Variants in TOLLIP observed in about 807,000 individuals in gnomAD.
TOLLIP encodes the protein toll-interacting protein.
A neutral mutation model predicts 33.5 loss-of-function variants in TOLLIP; 16 were observed. That is an observed-to-expected ratio of 0.48 (90% CI 0.32 to 0.72). The LOEUF (loss-of-function observed/expected upper bound fraction) is 0.72. Ranked by LOEUF, TOLLIP falls within the 30% of genes least tolerant of loss-of-function variation. TOLLIP has a pLI of 0.03. For missense variants in TOLLIP, 325 were observed against 396.6 expected (o/e 0.82, Z 1.53); for synonymous variants, 176 against 163.7 (o/e 1.07, Z -0.57).
In TOLLIP at chr11:1,278,499, G is replaced by A. The variant is rs5744010; in HGVS notation, c.611-1246C>T. On this transcript the variant is annotated intron_variant, in intron 5 of 5. Coordinates refer to ENST00000317204, the MANE Select transcript of TOLLIP (RefSeq NM_019009.4). The surrounding 1 kb of genome is among the most constrained non-coding windows in gnomAD (Gnocchi z 4.7). ...CAGGGGTGTAAACGGAGCAGACAGG[G>A]CTTGCCACCAAGCCTCCTGCACCTG... Among the ~76,000 whole-genome samples the A allele has an allele frequency of 1.2e-4, 18 of 152,134 alleles. No homozygotes were observed. The highest frequency in any genetic ancestry group is 3.9e-4 in the African/African-American group (16 of 41,410).
intron 4 of TOLLIP, among the ~76,000 whole-genome samples, 165 bp from the exon 5 acceptor site, chr11:1,286,257 A>G (rs530100385): frequency 5.1e-4 from 77 of 152,212 alleles, no homozygotes; most frequent in African/African-American, 1.1e-3. Flanking sequence ...TGCACAGGGG[A>G]CGCTGGGCCC....
At chr11:1,305,349 G>A (rs1476669459) in intron 1 of TOLLIP, among the ~76,000 whole-genome samples, 1 of 152,234 alleles carries the variant, frequency 6.6e-6, no homozygotes, top group Non-Finnish European at 1.5e-5. Context: ...AGAGCCAGCG[G>A]AGACGGGTAA....
intron 4 of TOLLIP, among the ~76,000 whole-genome samples, chr11:1,287,020 A>G (rs1005130671): frequency 8.5e-5 from 13 of 152,204 alleles, no homozygotes; most frequent in South Asian, 4.2e-4. Context: ...AGCTGCGGAT[A>G]AGTCACTGCA....
intron 1 of TOLLIP, among the ~76,000 whole-genome samples, chr11:1,298,980 G>C (rs1328323422): frequency 6.6e-6 from 1 of 152,238 alleles, no homozygotes; most frequent in Non-Finnish European, 1.5e-5. Context: ...GCAAGGCAGG[G>C]TGCTGGGACA....
chr11:1,309,431 A>C, intron 1 of TOLLIP, 35 bp downstream of exon 1: 1 of 1,237,522 alleles, frequency 8.1e-7, no homozygotes, highest in Non-Finnish European at 1.0e-6. Context: ...ACCGCAGGTC[A>C]CCGCCCCCGC....
chr11:1,300,537 A>G (rs1008527528), intron 1 of TOLLIP, among the ~76,000 whole-genome samples: 1 of 152,236 alleles, frequency 6.6e-6, no homozygotes, highest in African/African-American at 2.4e-5. Flanking sequence ...AAGCACACAA[A>G]TTAAACACCC....
chr11:1,305,649 C>T (rs914544798), intron 1 of TOLLIP, among the ~76,000 whole-genome samples: 5 of 152,208 alleles, frequency 3.3e-5, no homozygotes, highest in Non-Finnish European at 7.4e-5. Context: ...ATGAAGTCAC[C>T]GATTCGGCAG....
chr11:1,280,251 A>G (rs1392046691), intron 5 of TOLLIP, among the ~76,000 whole-genome samples: 1 of 152,218 alleles, frequency 6.6e-6, no homozygotes, highest in African/African-American at 2.4e-5. Flanking sequence ...CCGCTGGGTG[A>G]GCCCTTGGCT....
intron 1 of TOLLIP, among the ~76,000 whole-genome samples, chr11:1,302,217 C>T (rs1044241241): frequency 2.6e-5 from 4 of 152,370 alleles, no homozygotes; most frequent in East Asian, 1.9e-4. Flanking sequence ...CATCCAGATC[C>T]GGGCGTGCAA....
Position 1,307,818 on chromosome 11 carries a change from A to G in TOLLIP, c.33+1648T>C, listed in dbSNP as rs1237034520. On this transcript the variant is annotated intron_variant, in intron 1 of 5. Transcript: ENST00000317204. ...CCCGTAGGCTCCACACCTGAGTCTCATAAGTGTCAGGAGGTTTCCTTCAAA... is the reference window on the plus strand; with the variant it reads ...CCCGTAGGCTCCACACCTGAGTCTCGTAAGTGTCAGGAGGTTTCCTTCAAA... 3.9e-5 allele frequency among the ~76,000 whole-genome samples: 6 copies of G among 152,226 alleles called. No homozygotes were observed. The East Asian group carries it at 5.8e-4, about 15-fold the overall frequency.
At chr11:1,285,953 C>T in intron 5 of TOLLIP, 49 bp downstream of exon 5, 3 of 1,487,928 alleles carry the variant, frequency 2.0e-6, no homozygotes, top group Non-Finnish European at 2.8e-6. Flanking sequence ...TGCCCTAGGC[C>T]CTGGGGTTTC....
Position 1,275,350 on chromosome 11 carries a change from G to C in TOLLIP, c.*1689C>G, listed in dbSNP as rs1222006030. The C allele has an allele frequency of 6.6e-6, 1 of 152,242 alleles. No homozygotes were observed. The highest frequency in any genetic ancestry group is 6.5e-5 in the Admixed American group (1 of 15,290). 9.4% of individuals were successfully genotyped at this position (152,242 alleles called of 1,614,324 possible). A position where few individuals can be genotyped will look rare whatever the true frequency, so the allele number is the denominator to read the frequency against. On this transcript the variant is annotated 3_prime_UTR_variant, in exon 6 of 6. Coordinates refer to ENST00000317204, the MANE Select transcript of TOLLIP (RefSeq NM_019009.4). ...CCAGCACAGTGAGGCCTCTGAGTGT[G>C]GCTTGTGGTCTGTCCTGGGTTAGAG... is the stretch of plus-strand genomic sequence containing the variant.
rs1343141248 is a variant in TOLLIP at position 1,303,506 on chromosome 11, A to G, written c.33+5960T>C. ...TGGAAGAAGACAAACGGGAAGCATC[A>G]TGAGTTATGCTGTATGCTAACGGCA... On this transcript the variant is annotated intron_variant, in intron 1 of 5. Transcript: ENST00000317204. This position sits in a 1 kb window ranked among gnomAD's most constrained non-coding sequence, Gnocchi z 4.2. 6.6e-6 allele frequency among the ~76,000 whole-genome samples: 1 copy of G among 152,252 alleles called. No individual in the cohort carries two copies. The highest frequency in any genetic ancestry group is 2.4e-5 in the African/African-American group (1 of 41,478).
intron 4 of TOLLIP, among the ~76,000 whole-genome samples, chr11:1,286,516 AC>A (rs1863701171): frequency 6.6e-6 from 1 of 152,204 alleles, no homozygotes; most frequent in South Asian, 2.1e-4. Context: ...TGGATAAGTC[AC>A]TGCACCACTG....
intron 1 of TOLLIP, among the ~76,000 whole-genome samples, chr11:1,308,721 T>C (rs1273870857): frequency 6.6e-6 from 1 of 152,230 alleles, no homozygotes; most frequent in Non-Finnish European, 1.5e-5. Context: ...TTTTGCACGG[T>C]GGCCACTAAC....
Position 1,277,073 on chromosome 11 carries a change from A to C in TOLLIP, c.791T>G (p.Ile264Ser). The stretch of plus-strand genomic sequence containing the variant: ...CTCCCCCATCTGCAGCAGGGAGTTG[A>C]TGGCGGCATCCTTGTTCCCTCGCTG... ...EAQRGNKDAA[I>S]NSLLQMGEEP Residue 264 changes from isoleucine (I) to serine (S), a missense_variant, in exon 6 of 6, where the codon ATC becomes AGC. Physicochemically the swap from Ile to Ser is moderately radical, Grantham distance 142 (BLOSUM62 -2). Coordinates refer to ENST00000317204, the MANE Select transcript of TOLLIP (RefSeq NM_019009.4). This position sits in a 1 kb window ranked among gnomAD's most constrained non-coding sequence, Gnocchi z 4.2. The C allele has an allele frequency of 6.2e-7, 1 of 1,614,046 alleles. No homozygotes were observed. The highest frequency in any genetic ancestry group is 8.5e-7 in the Non-Finnish European group (1 of 1,179,986).
chr11:1,299,131 G>A (rs1282040638), intron 1 of TOLLIP, among the ~76,000 whole-genome samples: 2 of 152,200 alleles, frequency 1.3e-5, no homozygotes, highest in African/African-American at 4.8e-5. Context: ...AGACACACAG[G>A]ACCTCTTCGT....
chr11:1,303,537 C>T lies in TOLLIP; in HGVS notation c.33+5929G>A, dbSNP rs968862299. On this transcript the variant is annotated intron_variant, in intron 1 of 5. Transcript: ENST00000317204. This position sits in a 1 kb window ranked among gnomAD's most constrained non-coding sequence, Gnocchi z 4.2. ...TATGCTGTATGCTAACGGCAGGAGG[C>T]GCTGTGCAAAGAAACAGGGCAAGGC... Among the ~76,000 whole-genome samples the T allele has an allele frequency of 2.0e-5, 3 of 152,240 alleles. No homozygotes were observed. The highest frequency in any genetic ancestry group is 6.5e-5 in the Admixed American group (1 of 15,290).
At chr11:1,304,533 C>A (rs1864371277) in intron 1 of TOLLIP, among the ~76,000 whole-genome samples, 1 of 152,232 alleles carries the variant, frequency 6.6e-6, no homozygotes, top group Non-Finnish European at 1.5e-5. Context: ...CACAGCAGCA[C>A]CCGCGCCAGG....
Sources: allele counts gnomAD v4.1 joint callset (sites outside exome capture counted in the v4.1 genomes callset), GRCh38; gene constraint gnomAD v4.1.1; non-coding constraint Gnocchi (gnomAD v3.1); transcripts MANE v1.5; gene names NCBI Gene and HGNC (gene_info 2026-07-23, HGNC 2026-07-21).